GPSM1: variants seen among roughly 807,000 people sequenced by gnomAD.
GPSM1 encodes G protein-signaling modulator 1.
Under a neutral mutation model 70.5 loss-of-function variants are expected in GPSM1, and 48 were observed. The ratio of observed to expected loss-of-function variants is 0.68; its 90% confidence interval spans 0.54 to 0.87. The LOEUF is 0.87. GPSM1 is among the 40% of genes least tolerant of loss of function. GPSM1 has a pLI of 0.00. For synonymous variants in GPSM1, 416 were observed against 430.1 expected, an observed-to-expected ratio of 0.97 and a Z score of 0.41; for missense variants, 981 against 972.6, an observed-to-expected ratio of 1.01 and a Z score of -0.11.
rs563963316 is a variant in GPSM1 at position 136,351,096 on chromosome 9, G to T, written c.1455+1333G>T. ...AGAAATAGTCTGAAATTGTTCTTCCGTGGGCACCAACCTGCAGAGGGGTGT... is the reference window on the plus strand; with the variant it reads ...AGAAATAGTCTGAAATTGTTCTTCCTTGGGCACCAACCTGCAGAGGGGTGT... On this transcript the variant is annotated intron_variant, in intron 11 of 13. Transcript: ENST00000440944. 1.8e-4 allele frequency among the ~76,000 whole-genome samples: 28 copies of T among 152,296 alleles called. No individual in the cohort carries two copies. In the East Asian group the frequency reaches 4.3e-3, roughly 23 times the overall value.
Position 136,340,508 on chromosome 9 carries a change from G to A in GPSM1, c.1084-362G>A, listed in dbSNP as rs186868706. 5.3e-5 allele frequency among the ~76,000 whole-genome samples: 8 copies of A among 152,086 alleles called. No homozygotes were observed. In the East Asian group the frequency reaches 1.2e-3, roughly 22 times the overall value. Reference sequence around the variant, plus strand: ...GTTCCTGAGTGATGTGGATGTTCCCGGGAGGGTCCCCCACAGAGCCTCGGC... The same window carrying A: ...GTTCCTGAGTGATGTGGATGTTCCCAGGAGGGTCCCCCACAGAGCCTCGGC... On this transcript the variant is annotated intron_variant, in intron 8 of 13. Transcript: ENST00000440944. This position sits in a 1 kb window ranked among gnomAD's most constrained non-coding sequence, Gnocchi z 7.3.
Position 136,328,683 on chromosome 9 carries a change from G to T in GPSM1, c.68+920G>T, listed in dbSNP as rs116264751. On this transcript the variant is annotated intron_variant, in intron 1 of 13. Coordinates refer to ENST00000440944, the MANE Select transcript of GPSM1 (RefSeq NM_001145638.3). Reference sequence around the variant, plus strand: ...CGAAATGAGGTACTGGTGGCGGCACGGCGGACAGAGGCCTTGCTGCCTCCG... The same window carrying T: ...CGAAATGAGGTACTGGTGGCGGCACTGCGGACAGAGGCCTTGCTGCCTCCG... 2.0e-5 allele frequency among the ~76,000 whole-genome samples: 3 copies of T among 152,224 alleles called. No individual in the cohort carries two copies. In the South Asian group the frequency reaches 6.2e-4, roughly 31 times the overall value.
Position 136,340,789 on chromosome 9 carries a change from TG to T in GPSM1, c.1084-76del. ...CTCAGAAGGTCAGGGACGGGTGTAC[TG>T]GGGGCCATTAAGGTCCCCTTGGAGC... On this transcript the variant is annotated intron_variant, in intron 8 of 13. Transcript: ENST00000440944. The surrounding 1 kb of genome is among the most constrained non-coding windows in gnomAD (Gnocchi z 7.3). The T allele has an allele frequency of 6.1e-6, 9 of 1,480,578 alleles. No homozygotes were observed. Among genetic ancestry groups the T allele is most frequent in the Non-Finnish European group, 8.0e-6 (9 of 1,118,646 alleles). 91.7% of individuals were successfully genotyped at this position (1,480,578 alleles called of 1,614,324 possible). A position where few individuals can be genotyped will look rare whatever the true frequency, so the allele number is the denominator to read the frequency against.
intron 11 of GPSM1, among the ~76,000 whole-genome samples, chr9:136,351,529 C>T (rs1238110486): frequency 6.6e-6 from 1 of 152,254 alleles, no homozygotes; most frequent in African/African-American, 2.4e-5. Context: ...GGGCTGATGG[C>T]TTTCTAGAAA....
In GPSM1 at chr9:136,342,879, A is replaced by C. The variant is rs377471495; in HGVS notation, c.1207+1886A>C. On this transcript the variant is annotated intron_variant, in intron 9 of 13. Transcript: ENST00000440944. This position sits in a 1 kb window ranked among gnomAD's most constrained non-coding sequence, Gnocchi z 5.5. ...GGGCAGGGAGGAGGAAGTCGTCTGG[A>C]GGTGGGGCTTCAGCCCGGCGGGGAC... 1.4e-5 allele frequency among the ~76,000 whole-genome samples: 2 copies of C among 139,654 alleles called. No homozygotes were observed. Among genetic ancestry groups the C allele is most frequent in the Non-Finnish European group, 3.2e-5 (2 of 62,910 alleles). The allele number at this position is 139,654 out of a possible 152,430, so 91.6% of individuals were successfully genotyped here.
intron 1 of GPSM1, among the ~76,000 whole-genome samples, chr9:136,329,563 G>A (rs530374007): frequency 1.1e-3 from 173 of 152,270 alleles, no homozygotes; most frequent in African/African-American, 3.7e-3. Context: ...GGCGGAATCC[G>A]TGTGGGCACT....
chr9:136,330,694 C>T (rs782289708), intron 1 of GPSM1, among the ~76,000 whole-genome samples: 1 of 152,154 alleles, frequency 6.6e-6, no homozygotes, highest in Non-Finnish European at 1.5e-5. Flanking sequence ...TAGGTGACGG[C>T]CTTGGGGAGG....
chr9:136,336,486 G>A (rs1027670747), intron 3 of GPSM1, among the ~76,000 whole-genome samples: 10 of 152,300 alleles, frequency 6.6e-5, no homozygotes, highest in Non-Finnish European at 1.3e-4. Context: ...GAGTGGCTCC[G>A]TCTCCGCTTG....
intron 11 of GPSM1, 53 bp downstream of exon 11, chr9:136,349,816 T>C (rs1832614788): frequency 6.8e-7 from 1 of 1,480,280 alleles, no homozygotes; most frequent in Non-Finnish European, 9.0e-7. Flanking sequence ...GCTTGGCAAC[T>C]GCGCCCCAAC....
chr9:136,328,029 C>G (rs1040903061), intron 1 of GPSM1, among the ~76,000 whole-genome samples: 1 of 152,146 alleles, frequency 6.6e-6, no homozygotes. Context: ...CAGCCTCACT[C>G]CCCTGGCACC....
At chr9:136,348,375 C>T (rs1425612076) in intron 9 of GPSM1, among the ~76,000 whole-genome samples, 2 of 152,206 alleles carry the variant, frequency 1.3e-5, no homozygotes, top group Non-Finnish European at 2.9e-5. Context: ...GAGGGAACAG[C>T]AGGACTGACG....
rs201732435 is a variant in GPSM1 at position 136,358,091 on chromosome 9, C to T, written c.1899C>T (p.Phe633=). ...PRGPTMPDED[F]FSLIQRVQAK... ...GCCCTACCATGCCGGACGAGGACTT[C>T]TTCAGCCTCATTCAGAGGGTGCAGG... The change falls in exon 14 of 14, where the codon TTC becomes TTT. Residue 633 remains phenylalanine (F), a synonymous_variant. Coordinates refer to ENST00000440944, the MANE Select transcript of GPSM1 (RefSeq NM_001145638.3). 13 of 1,612,720 alleles carry T rather than the reference C, an allele frequency of 8.1e-6. No homozygotes were observed. The highest frequency in any genetic ancestry group is 3.3e-4 in the Middle Eastern group (2 of 6,056).
chr9:136,351,747 C>G (rs1832668005), intron 11 of GPSM1, among the ~76,000 whole-genome samples: 1 of 152,244 alleles, frequency 6.6e-6, no homozygotes, highest in Non-Finnish European at 1.5e-5. Context: ...ACGCCTGGGA[C>G]AGCCAAGATC....
At chr9:136,331,414 G>A (rs1022491285) in intron 1 of GPSM1, among the ~76,000 whole-genome samples, 16 of 152,078 alleles carry the variant, frequency 1.1e-4, no homozygotes, top group African/African-American at 3.4e-4. Context: ...GTGCCAGGGA[G>A]GCTGGGGAGG....
Position 136,340,974 on chromosome 9 carries a change from G to C in GPSM1, c.1188G>C (p.Leu396=). 1 of 1,564,266 alleles carries C rather than the reference G, an allele frequency of 6.4e-7. No homozygotes were observed. Among genetic ancestry groups the C allele is most frequent in the Non-Finnish European group, 8.7e-7 (1 of 1,154,908 alleles). Residue 396 remains leucine, a synonymous_variant, in exon 9 of 14, where the codon CTG becomes CTC. Coordinates refer to ENST00000440944, the MANE Select transcript of GPSM1 (RefSeq NM_001145638.3). The surrounding 1 kb of genome is among the most constrained non-coding windows in gnomAD (Gnocchi z 7.3). ...CGGCAGCCTCAGAGAAGCCTGACCT[G>C]GCCGGCTATGAGGCCCAGGGTGAGT... ...TSPAASEKPD[L]AGYEAQGARP...
At chr9:136,353,185 G>T in intron 11 of GPSM1, 1 of 866,344 alleles carries the variant, frequency 1.2e-6, no homozygotes, top group South Asian at 5.3e-5. Flanking sequence ...GGTCCTAACA[G>T]GTGGAGGCTG....
At chr9:136,332,512 C>G (rs1024866272) in intron 1 of GPSM1, among the ~76,000 whole-genome samples, 1 of 152,218 alleles carries the variant, frequency 6.6e-6, no homozygotes, top group Non-Finnish European at 1.5e-5. Flanking sequence ...GGCCTGAAGC[C>G]CCTCTCCTCC....
chr9:136,358,258 T>C lies in GPSM1; in HGVS notation c.*38T>C. On this transcript the variant is annotated 3_prime_UTR_variant, in exon 14 of 14. Transcript: ENST00000440944. ...ACCGCCAGGCCCACCCTGCCCCCACTCCTGGACGCCGGTCTCACAGTCACA... is the reference window on the plus strand; with the variant it reads ...ACCGCCAGGCCCACCCTGCCCCCACCCCTGGACGCCGGTCTCACAGTCACA... 6.7e-7 allele frequency: 1 copy of C among 1,482,512 alleles called. No individual in the cohort carries two copies. Among genetic ancestry groups the C allele is most frequent in the Non-Finnish European group, 9.1e-7 (1 of 1,100,952 alleles). 91.8% of individuals were successfully genotyped at this position (1,482,512 alleles called of 1,614,324 possible). A position where few individuals can be genotyped will look rare whatever the true frequency, so the allele number is the denominator to read the frequency against.
chr9:136,346,187 C>T (rs1330750203), intron 9 of GPSM1, among the ~76,000 whole-genome samples: 1 of 152,160 alleles, frequency 6.6e-6, no homozygotes, highest in East Asian at 1.9e-4. Context: ...TAGGGTGTGT[C>T]CTCGGAGCCC....
Sources: gnomAD v4.1 joint callset for allele counts (sites outside exome capture counted in the v4.1 genomes callset) on GRCh38, gnomAD v4.1.1 for gene constraint, Gnocchi (gnomAD v3.1) non-coding constraint, MANE v1.5 for transcripts, NCBI Gene and HGNC (gene_info 2026-07-23, HGNC 2026-07-21) for gene names.